Variants in PRIM1 observed in about 807,000 individuals in gnomAD.
The protein encoded by PRIM1 is DNA primase small subunit.
Under a neutral mutation model 60.2 loss-of-function variants are expected in PRIM1, and 38 were observed. The ratio of observed to expected loss-of-function variants is 0.63; its 90% CI spans 0.49 to 0.83. The LOEUF is 0.83. Among genes scored for constraint, PRIM1 ranks in the 40% least tolerant of loss-of-function variants. The pLI is 0.00. For synonymous variants in PRIM1, 158 were observed against 160.2 expected (o/e 0.99, Z 0.10); for missense variants, 388 against 506.2 (o/e 0.77, Z 2.24).
intron 10 of PRIM1, among the ~76,000 whole-genome samples, chr12:56,739,062 G>T (rs1378851116): frequency 6.6e-6 from 1 of 152,160 alleles, no homozygotes; most frequent in African/African-American, 2.4e-5. Context: ...ATCTGTTTAA[G>T]TCAGAATTTC....
chr12:56,737,950 C>A (rs1315049275), intron 11 of PRIM1, among the ~76,000 whole-genome samples: 2 of 152,092 alleles, frequency 1.3e-5, no homozygotes, highest in Non-Finnish European at 2.9e-5. Flanking sequence ...GTCTTGAACT[C>A]CTGACCTCAA....
intron 11 of PRIM1, among the ~76,000 whole-genome samples, chr12:56,736,289 CTCTT>C (rs1953828723): frequency 1.3e-5 from 1 of 77,542 alleles, no homozygotes; most frequent in Non-Finnish European, 2.1e-5. Flanking sequence ...CAGAGTAAGA[CTCTT>C]TCTCTAAAAA....
chr12:56,731,976 T>C (rs1303666572), intron 12 of PRIM1, among the ~76,000 whole-genome samples: 2 of 152,234 alleles, frequency 1.3e-5, no homozygotes, highest in Non-Finnish European at 2.9e-5. Context: ...TCAGAGTTGT[T>C]GTTCATCCAA....
intron 2 of PRIM1, 39 bp downstream of exon 2, chr12:56,750,999 A>C: frequency 7.5e-7 from 1 of 1,331,376 alleles, no homozygotes; most frequent in South Asian, 1.9e-5. Context: ...TTGGTTTACA[A>C]AATAAAACAA....
At position 56,743,081 on chromosome 12, in the gene PRIM1, T is replaced by C. The variant is rs1007102683; in HGVS notation, c.654A>G (p.Ile218Met). The C allele has an allele frequency of 3.3e-6, 5 of 1,524,268 alleles. No individual in the cohort carries two copies. Among genetic ancestry groups the C allele is most frequent in the Non-Finnish European group, 2.6e-6 (3 of 1,139,522 alleles). 94.4% of individuals were successfully genotyped at this position (1,524,268 alleles called of 1,614,324 possible). The change falls in exon 7 of 13, where the codon ATA becomes ATG. Residue 218 changes from isoleucine to methionine, a missense_variant. Ile to Met is a conservative substitution (Grantham distance 10). This residue lies in a region of PRIM1 where 211 missense variants were observed against 277.9 expected (regional missense o/e 0.76). Transcript: ENST00000338193. ...IHPFIRKSIN[I>M]IKKYFEEYAL... ...CATATTCTTCAAAGTATTTTTTTATTATGTTTATAGATTTTCTGTAAGAAC... is the reference window on the plus strand; with the variant it reads ...CATATTCTTCAAAGTATTTTTTTATCATGTTTATAGATTTTCTGTAAGAAC...
chr12:56,746,677 A>C (rs2958129), intron 4 of PRIM1, 104 bp downstream of exon 4: 90,482 of 278,734 alleles, frequency 0.32, 21,738 homozygotes, highest in South Asian at 0.44. Flanking sequence ...CACACACACA[A>C]ATTAATGAGA....
chr12:56,748,626 C>CAA (rs1181089411), intron 2 of PRIM1, among the ~76,000 whole-genome samples: 2 of 67,368 alleles, frequency 3.0e-5, no homozygotes, highest in Non-Finnish European at 3.1e-5. Flanking sequence ...GACTCTGTCT[C>CAA]AAAAAAAAAA....
intron 2 of PRIM1, among the ~76,000 whole-genome samples, chr12:56,750,402 G>C (rs1176612451): frequency 6.6e-6 from 1 of 151,962 alleles, no homozygotes; most frequent in Non-Finnish European, 1.5e-5. Context: ...AGAAAGAGAG[G>C]AATCAAGAAT....
At position 56,740,909 on chromosome 12, in the gene PRIM1, G is replaced by A. The variant is rs534380007; in HGVS notation, c.982+526C>T. ...GCTCACTGCAGCCTCAACTTCCCAG[G>A]CTCAAGTGATCCTCCTGCCTCAGCC... On this transcript the variant is annotated intron_variant, in intron 9 of 12. Coordinates refer to ENST00000338193, the MANE Select transcript of PRIM1 (RefSeq NM_000946.3). 2.4e-4 allele frequency among the ~76,000 whole-genome samples: 37 copies of A among 152,090 alleles called. No homozygotes were observed. The Middle Eastern group carries it at 0.01, about 42-fold the overall frequency.
intron 11 of PRIM1, among the ~76,000 whole-genome samples, chr12:56,734,814 C>CTTT (rs568265117): frequency 6.3e-5 from 8 of 127,104 alleles, no homozygotes; most frequent in Non-Finnish European, 1.0e-4. Context: ...CATATATTTT[C>CTTT]TTTTTTTTTT....
At chr12:56,746,606 G>A (rs964957143) in intron 4 of PRIM1, among the ~76,000 whole-genome samples, 175 bp downstream of exon 4, 1 of 149,028 alleles carries the variant, frequency 6.7e-6, no homozygotes, top group African/African-American at 2.5e-5. Flanking sequence ...ACTCCAGCCT[G>A]GCTGACAGAG....
At chr12:56,733,048 T>C (rs1344333787) in intron 12 of PRIM1, among the ~76,000 whole-genome samples, 1 of 149,450 alleles carries the variant, frequency 6.7e-6, no homozygotes, top group African/African-American at 2.5e-5. Context: ...AGAGACGGGG[T>C]TTCACCGTGT....
intron 4 of PRIM1, among the ~76,000 whole-genome samples, 157 bp downstream of exon 4, chr12:56,746,624 C>T (rs976946093): frequency 4.6e-5 from 6 of 129,134 alleles, no homozygotes; most frequent in African/African-American, 1.2e-4. Flanking sequence ...GAGTGAGACT[C>T]GTCACACACA....
intron 11 of PRIM1, among the ~76,000 whole-genome samples, chr12:56,737,345 C>T (rs541992903): frequency 1.5e-5 from 2 of 129,150 alleles, no homozygotes; most frequent in Non-Finnish European, 3.3e-5. Flanking sequence ...CGCTGCTATG[C>T]GGCATCTTTT....
chr12:56,732,981 A>G (rs1953794833), intron 12 of PRIM1, among the ~76,000 whole-genome samples: 2 of 151,232 alleles, frequency 1.3e-5, no homozygotes, highest in Admixed American at 1.3e-4. Context: ...CAGCCTCCCA[A>G]GTAGCTGGGA....
chr12:56,732,401 T>A (rs1953790616), intron 12 of PRIM1, among the ~76,000 whole-genome samples: 1 of 152,200 alleles, frequency 6.6e-6, no homozygotes, highest in Admixed American at 6.6e-5. Context: ...ATGGTTCCAG[T>A]ATTTGCACCT....
chr12:56,741,953 T>G (rs1464090724), intron 7 of PRIM1, 116 bp from the exon 8 acceptor site: 1 of 1,027,850 alleles, frequency 9.7e-7, no homozygotes, highest in African/African-American at 1.6e-5. Flanking sequence ...TATTAACATT[T>G]CTTGAAATAT....
At chr12:56,733,159 GTT>G (rs10714181) in intron 12 of PRIM1, among the ~76,000 whole-genome samples, 5 of 127,000 alleles carry the variant, frequency 3.9e-5, no homozygotes, top group Admixed American at 1.6e-4. Flanking sequence ...CCGGCCTAGG[GTT>G]TTTTTTTTTT....
intron 12 of PRIM1, among the ~76,000 whole-genome samples, chr12:56,733,782 G>T (rs1953802605): frequency 1.3e-5 from 2 of 151,676 alleles, no homozygotes; most frequent in Admixed American, 1.3e-4. Context: ...GTAGAAACAG[G>T]GTTTCACCAT....
Sources: allele counts gnomAD v4.1 joint callset (sites outside exome capture counted in the v4.1 genomes callset), GRCh38; gene constraint gnomAD v4.1.1; regional missense constraint gnomAD v4.1.1; transcripts MANE v1.5; gene names NCBI Gene and HGNC (gene_info 2026-07-23, HGNC 2026-07-21).